LRP12: variants seen among roughly 807,000 people sequenced by gnomAD.
LRP12 encodes low-density lipoprotein receptor-related protein 12.
A neutral mutation model predicts 66.0 loss-of-function variants in LRP12; 14 were observed. The observed-to-expected ratio is 0.21, with a 90% CI of 0.14 to 0.33. LRP12 has a LOEUF of 0.33. Ranked by LOEUF, LRP12 falls within the 10% of genes least tolerant of loss-of-function variation. LRP12 has a pLI of 1.00. For missense variants in LRP12, 889 were observed against 1,053.4 expected, an observed-to-expected ratio of 0.84 and a Z score of 2.16; for synonymous variants, 357 against 359.1, an observed-to-expected ratio of 0.99 and a Z score of 0.07.
In LRP12 at chr8:104,508,980, G is replaced by C. The variant is rs750733351; in HGVS notation, c.231C>G (p.Ser77Arg). The change falls in exon 3 of 7, where the codon AGC becomes AGG. Residue 77 changes from serine (S) to arginine (R), a missense_variant. Physicochemically the swap from Ser to Arg is moderately radical, Grantham distance 110. This residue lies in a region of LRP12 where 800 missense variants were observed against 964.5 expected (regional missense o/e 0.83). Transcript: ENST00000276654. ...PSEYPAKINC[S>R]WFIRANPGEI... Reference sequence around the variant, plus strand: ...CGCCTGGGTTTGCCCTTATGAACCAGCTACAGTTGATTTTTGCAGGATATT... The same window carrying C: ...CGCCTGGGTTTGCCCTTATGAACCACCTACAGTTGATTTTTGCAGGATATT... 1 of 1,613,714 alleles carries C rather than the reference G, an allele frequency of 6.2e-7. No homozygotes were observed. The highest frequency in any genetic ancestry group is 8.5e-7 in the Non-Finnish European group (1 of 1,179,694).
chr8:104,589,025 C>G lies in LRP12; in HGVS notation c.-128G>C. The G allele has an allele frequency of 7.5e-6, 4 of 530,872 alleles. No homozygotes were observed. The highest frequency in any genetic ancestry group is 1.2e-5 in the Non-Finnish European group (4 of 339,358). 32.9% of individuals were successfully genotyped at this position (530,872 alleles called of 1,614,324 possible). On this transcript the variant is annotated 5_prime_UTR_variant, in exon 1 of 7. Transcript: ENST00000276654. The stretch of plus-strand genomic sequence containing the variant: ...AGCCACCGGCTGCTCCCTGCGCTCT[C>G]CGCGGCTGCGGGAGGGGGAAGGGAG...
chr8:104,523,558 T>C (rs1811181238), intron 2 of LRP12, among the ~76,000 whole-genome samples: 1 of 152,186 alleles, frequency 6.6e-6, no homozygotes, highest in South Asian at 2.1e-4. Flanking sequence ...GTGATGCTAA[T>C]CATCTCCATG....
intron 2 of LRP12, among the ~76,000 whole-genome samples, chr8:104,531,141 A>G (rs1811319825): frequency 6.6e-6 from 1 of 152,200 alleles, no homozygotes; most frequent in Admixed American, 6.6e-5. Context: ...TAATCAATGG[A>G]TTGATAAATA....
intron 2 of LRP12, among the ~76,000 whole-genome samples, chr8:104,517,075 T>C (rs955636232): frequency 2.0e-5 from 3 of 151,582 alleles, no homozygotes; most frequent in Non-Finnish European, 2.9e-5. Context: ...ATAAGACACA[T>C]ATGAAGGGCA....
chr8:104,553,741 C>T (rs1407599987), intron 1 of LRP12, among the ~76,000 whole-genome samples: 1 of 152,060 alleles, frequency 6.6e-6, no homozygotes, highest in African/African-American at 2.4e-5. Flanking sequence ...TCCAGGTGAC[C>T]TTAGGGCAAG....
chr8:104,572,866 C>T (rs1022141242), intron 1 of LRP12, among the ~76,000 whole-genome samples: 1 of 152,040 alleles, frequency 6.6e-6, no homozygotes, highest in Non-Finnish European at 1.5e-5. Context: ...TTCTATTTAT[C>T]GTAGCTAGCC....
chr8:104,567,067 T>C (rs886990245), intron 1 of LRP12, among the ~76,000 whole-genome samples: 1 of 151,316 alleles, frequency 6.6e-6, no homozygotes, highest in East Asian at 1.9e-4. Flanking sequence ...ATTAAAGGTG[T>C]TTACAAATAA....
At chr8:104,499,814 G>C (rs905127835) in intron 3 of LRP12, among the ~76,000 whole-genome samples, 1 of 143,252 alleles carries the variant, frequency 7.0e-6, no homozygotes, top group Non-Finnish European at 1.5e-5. Flanking sequence ...TGTGTGTACG[G>C]TTGGGAAAGA....
intron 1 of LRP12, among the ~76,000 whole-genome samples, chr8:104,546,326 A>T (rs1449407154): frequency 6.6e-6 from 1 of 152,158 alleles, no homozygotes; most frequent in African/African-American, 2.4e-5. Flanking sequence ...TGTCCAGTCA[A>T]GCAACCAACA....
chr8:104,550,345 G>A (rs534844439), intron 1 of LRP12, among the ~76,000 whole-genome samples: 60 of 152,146 alleles, frequency 3.9e-4, no homozygotes, highest in Non-Finnish European at 7.5e-4. Flanking sequence ...TGTACCAAAT[G>A]ATGGTCTAAG....
intron 1 of LRP12, among the ~76,000 whole-genome samples, chr8:104,556,252 G>A (rs925600931): frequency 1.3e-5 from 2 of 152,042 alleles, no homozygotes; most frequent in Non-Finnish European, 2.9e-5. Context: ...CAAGGAACTA[G>A]AGAAACAAGA....
intron 1 of LRP12, among the ~76,000 whole-genome samples, chr8:104,545,551 C>G (rs1811542891): frequency 6.6e-6 from 1 of 152,148 alleles, no homozygotes. Context: ...ACTACCCTGA[C>G]AGTCAGCAGC....
intron 2 of LRP12, among the ~76,000 whole-genome samples, chr8:104,519,742 CTTA>C (rs1427388226): frequency 6.6e-6 from 1 of 151,948 alleles, no homozygotes; most frequent in Non-Finnish European, 1.5e-5. Flanking sequence ...TACTCTGAGA[CTTA>C]TTATTAGAAA....
At chr8:104,527,253 C>G (rs1811252968) in intron 2 of LRP12, among the ~76,000 whole-genome samples, 1 of 142,620 alleles carries the variant, frequency 7.0e-6, no homozygotes, top group African/African-American at 2.9e-5. Flanking sequence ...ACTAGTTCAA[C>G]CATGGTGGAA....
chr8:104,589,076 C>T lies in LRP12; in HGVS notation c.-179G>A, dbSNP rs1812393710. ...GGGCCGCCGCCGCCCGCGCGCGCTC[C>T]CTCCTCCCTCCTCCCTCCGGCTCGC... On this transcript the variant is annotated 5_prime_UTR_variant, in exon 1 of 7. Coordinates refer to ENST00000276654, the MANE Select transcript of LRP12 (RefSeq NM_013437.5). 4 of 281,910 alleles carry T rather than the reference C, an allele frequency of 1.4e-5. No individual in the cohort carries two copies. The highest frequency in any genetic ancestry group is 1.5e-4 in the East Asian group (2 of 13,184). The allele number at this position is 281,910 out of a possible 1,614,324, so 17.5% of individuals were successfully genotyped here. A position where few individuals can be genotyped will look rare whatever the true frequency, so the allele number is the denominator to read the frequency against.
intron 1 of LRP12, among the ~76,000 whole-genome samples, chr8:104,580,947 A>ATATAAATT (rs1812240811): frequency 2.6e-5 from 4 of 152,250 alleles, no homozygotes; most frequent in Admixed American, 2.6e-4. Flanking sequence ...ACCCAAAGGA[A>ATATAAATT]TATAAATTGT....
intron 1 of LRP12, among the ~76,000 whole-genome samples, chr8:104,539,629 T>A (rs1039350413): frequency 6.6e-6 from 1 of 152,188 alleles, no homozygotes; most frequent in Non-Finnish European, 1.5e-5. Flanking sequence ...AGCATTGTTT[T>A]ATTCCTCTCA....
intron 1 of LRP12, among the ~76,000 whole-genome samples, chr8:104,569,572 C>T (rs1490436501): frequency 2.0e-5 from 3 of 151,964 alleles, no homozygotes; most frequent in African/African-American, 7.2e-5. Context: ...TGAGTAGATA[C>T]AGAAAAGGGA....
At chr8:104,538,701 A>C (rs1811422829) in intron 1 of LRP12, among the ~76,000 whole-genome samples, 2 of 152,162 alleles carry the variant, frequency 1.3e-5, no homozygotes, top group Non-Finnish European at 2.9e-5. Context: ...TCAAGACTCT[A>C]TCTAAAGCAG....
Sources: allele counts gnomAD v4.1 joint callset (sites outside exome capture counted in the v4.1 genomes callset), GRCh38; gene constraint gnomAD v4.1.1; regional missense constraint gnomAD v4.1.1; transcripts MANE v1.5; gene names NCBI Gene and HGNC (gene_info 2026-07-23, HGNC 2026-07-21).